The following TRPV3 variants were observed in gnomAD, a reference collection of about 807,000 sequenced individuals.
TRPV3 encodes transient receptor potential cation channel subfamily V member 3, also known as VRL-3.
In TRPV3, 88 loss-of-function variants were observed where a neutral mutation model predicts 87.1. The observed-to-expected ratio is 1.01, with a 90% CI of 0.85 to 1.21. The LOEUF is 1.21. Ranked by LOEUF, TRPV3 falls within the 50% of genes most tolerant of loss-of-function variation. The probability of loss-of-function intolerance (pLI) is 0.00; values close to 1 mark genes in which losing one functional copy is unlikely to be tolerated. For synonymous variants in TRPV3, 438 were observed against 423.3 expected, an observed-to-expected ratio of 1.03 and a Z score of -0.43; for missense variants, 1,054 against 1,030.1, an observed-to-expected ratio of 1.02 and a Z score of -0.32.
At chr17:3,531,754 G>A (rs145922004) in intron 8 of TRPV3, among the ~76,000 whole-genome samples, 52 of 152,338 alleles carry the variant, frequency 3.4e-4, no homozygotes, top group Non-Finnish European at 6.6e-4. Context: ...GGAGCTGCGG[G>A]GAGGCAGACA....
rs769148370 is a variant in TRPV3, at chr17:3,528,159, G to A, written c.1402-33C>T. On this transcript the variant is annotated intron_variant, in intron 10 of 17. Coordinates refer to ENST00000576742, the MANE Select transcript of TRPV3 (RefSeq NM_145068.4). The surrounding 1 kb of genome is among the most constrained non-coding windows in gnomAD (Gnocchi z 4.2). ...GAAAGAAGAGGGGTGGTCAGTATAG[G>A]AAGCAAGGAGGACAGGGCTGGCACC... The A allele has an allele frequency of 1.9e-6, 3 of 1,562,844 alleles. No homozygotes were observed. In the African/African-American group the frequency reaches 4.1e-5, roughly 21 times the overall value.
chr17:3,515,914 C>G lies in TRPV3; in HGVS notation c.2198+543G>C, dbSNP rs958046913. Among the ~76,000 whole-genome samples the G allele has an allele frequency of 2.0e-5, 3 of 151,990 alleles. No homozygotes were observed. In the South Asian group the frequency reaches 6.2e-4, roughly 32 times the overall value. ...AAAAAGCAGAGAGAGGGGCTGGGTGCGGTGGCTCATGCCTGTAATCCCAGC... is the reference window on the plus strand; with the variant it reads ...AAAAAGCAGAGAGAGGGGCTGGGTGGGGTGGCTCATGCCTGTAATCCCAGC... On this transcript the variant is annotated intron_variant, in intron 16 of 17. Transcript: ENST00000576742.
chr17:3,520,453 G>T (rs76059205), intron 14 of TRPV3, among the ~76,000 whole-genome samples: 2,548 of 152,228 alleles, frequency 0.017, 60 homozygotes, highest in African/African-American at 0.058. Flanking sequence ...TTTAGTTTCC[G>T]CATCTGTTAA....
chr17:3,537,927 G>C (rs1367432652), intron 6 of TRPV3, among the ~76,000 whole-genome samples: 1 of 145,968 alleles, frequency 6.9e-6, no homozygotes, highest in South Asian at 2.2e-4. Context: ...TGCCAGGCAC[G>C]GTGGCTCACA....
intron 12 of TRPV3, among the ~76,000 whole-genome samples, chr17:3,525,640 G>A (rs1344349325): frequency 6.9e-6 from 1 of 145,198 alleles, no homozygotes; most frequent in Non-Finnish European, 1.5e-5. Flanking sequence ...TTTTTTTTGA[G>A]ATGTAGTCTC....
intron 7 of TRPV3, among the ~76,000 whole-genome samples, chr17:3,534,829 C>T (rs1190271719): frequency 6.6e-6 from 1 of 152,086 alleles, no homozygotes; most frequent in Non-Finnish European, 1.5e-5. Context: ...TACCCTGGGG[C>T]AAGTCCTTTC....
chr17:3,550,596 C>T (rs2074564924), intron 2 of TRPV3, among the ~76,000 whole-genome samples: 1 of 141,552 alleles, frequency 7.1e-6, no homozygotes, highest in Non-Finnish European at 1.5e-5. Flanking sequence ...GTGATCTCAG[C>T]TCACTGCAAG....
chr17:3,526,768 T>G, intron 12 of TRPV3, 86 bp downstream of exon 12: 2 of 1,080,578 alleles, frequency 1.9e-6, no homozygotes, highest in Non-Finnish European at 2.8e-6. Context: ...CAGTAGGATA[T>G]TTGTTCAAGA....
chr17:3,549,958 G>A (rs527480937), intron 2 of TRPV3, among the ~76,000 whole-genome samples: 39 of 151,166 alleles, frequency 2.6e-4, no homozygotes, highest in African/African-American at 9.0e-4. Context: ...TGGATGGATG[G>A]ATGGATGATA....
chr17:3,554,585 A>T, intron 2 of TRPV3, 147 bp downstream of exon 2: 1 of 629,346 alleles, frequency 1.6e-6, no homozygotes, highest in Admixed American at 2.7e-5. Flanking sequence ...ACCATCCCCT[A>T]GTCATACCTC....
At chr17:3,543,914 T>C (rs900807658) in intron 4 of TRPV3, among the ~76,000 whole-genome samples, 1 of 152,234 alleles carries the variant, frequency 6.6e-6, no homozygotes, top group Admixed American at 6.5e-5. Context: ...AGATTTCATA[T>C]TTTATGTTGT....
At chr17:3,527,723 A>G in intron 11 of TRPV3, 1 of 424,028 alleles carries the variant, frequency 2.4e-6, no homozygotes. Flanking sequence ...GGCTGGGTCC[A>G]TGAAAGAGGG....
In TRPV3 at chr17:3,535,714, C is replaced by T; in HGVS notation, c.644-1G>A. The T allele has an allele frequency of 1.3e-6, 2 of 1,516,374 alleles. No homozygotes were observed. The highest frequency in any genetic ancestry group is 1.8e-6 in the Non-Finnish European group (2 of 1,134,844). The allele number at this position is 1,516,374 out of a possible 1,614,324, so 93.9% of individuals were successfully genotyped here. ...ATGGCGATGTTCAGCGCCGTCTGCC[C>T]TGCGGAGCGGGCGGGGACGCGCGGG... On this transcript the variant is annotated splice_acceptor_variant, in intron 6 of 17. Transcript: ENST00000576742. LOFTEE classifies it high-confidence loss of function.
chr17:3,530,060 C>G lies in TRPV3; in HGVS notation c.1209G>C (p.Val403=). ...TNVDTTTDNS[V]LEITVYNTNI... is the part of the protein sequence containing the mutation. ...TGGTGTTGTAGACAGTGATTTCCAG[C>G]ACTGAGTTGTCCGTGGTGGTGTCCA... The change falls in exon 9 of 18, where the codon GTG becomes GTC. Residue 403 remains valine, a synonymous_variant. Transcript: ENST00000576742. This position sits in a 1 kb window ranked among gnomAD's most constrained non-coding sequence, Gnocchi z 4.0. 4 of 1,613,948 alleles carry G rather than the reference C, an allele frequency of 2.5e-6. No individual in the cohort carries two copies. The highest frequency in any genetic ancestry group is 1.3e-5 in the African/African-American group (1 of 75,056).
chr17:3,543,217 A>G (rs948651935), intron 5 of TRPV3, among the ~76,000 whole-genome samples: 1 of 152,094 alleles, frequency 6.6e-6, no homozygotes, highest in Non-Finnish European at 1.5e-5. Flanking sequence ...GCCCTGCTTC[A>G]GGGTCCCAGC....
In TRPV3 at chr17:3,518,542, A is replaced by C; in HGVS notation, c.2085+34T>G. Reference sequence around the variant, plus strand: ...CCACGTGCTGAACTGAGTCCCGTGGAGGCCCCCACGCTGGGGTCTCCACCT... The same window carrying C: ...CCACGTGCTGAACTGAGTCCCGTGGCGGCCCCCACGCTGGGGTCTCCACCT... On this transcript the variant is annotated intron_variant, in intron 15 of 17. Transcript: ENST00000576742. The surrounding 1 kb of genome is among the most constrained non-coding windows in gnomAD (Gnocchi z 4.3). 2 of 1,526,496 alleles carry C rather than the reference A, an allele frequency of 1.3e-6. No individual in the cohort carries two copies. Among genetic ancestry groups the C allele is most frequent in the South Asian group, 2.5e-5 (2 of 78,800 alleles). The allele number at this position is 1,526,496 out of a possible 1,614,324, so 94.6% of individuals were successfully genotyped here.
At chr17:3,540,525 A>G (rs2074448710) in intron 6 of TRPV3, among the ~76,000 whole-genome samples, 1 of 152,200 alleles carries the variant, frequency 6.6e-6, no homozygotes, top group Non-Finnish European at 1.5e-5. Flanking sequence ...TCTTCACAGA[A>G]ACACTAACAA....
chr17:3,529,442 G>T (rs1174442186), intron 9 of TRPV3, among the ~76,000 whole-genome samples: 2 of 152,038 alleles, frequency 1.3e-5, no homozygotes, highest in African/African-American at 4.8e-5. Context: ...GGGGACTCTG[G>T]GAAGCATGAC....
At chr17:3,551,015 C>T (rs1285429942) in intron 2 of TRPV3, among the ~76,000 whole-genome samples, 1 of 152,172 alleles carries the variant, frequency 6.6e-6, no homozygotes, top group Admixed American at 6.5e-5. Flanking sequence ...GCTATGGGAG[C>T]TCAGAGGAAG....
Sources: gnomAD v4.1 joint callset for allele counts (sites outside exome capture counted in the v4.1 genomes callset) on GRCh38, gnomAD v4.1.1 for gene constraint, Gnocchi (gnomAD v3.1) non-coding constraint, MANE v1.5 for transcripts, NCBI Gene and HGNC (gene_info 2026-07-23, HGNC 2026-07-21) for gene names.